Variants in KLF8 observed in about 807,000 individuals in gnomAD.
KLF8 encodes the protein Krueppel-like factor 8.
KLF8 carries 10 observed loss-of-function variants against 18.2 expected under a neutral mutation model. The observed-to-expected ratio is 0.55, with a 90% confidence interval of 0.34 to 0.93. The LOEUF (loss-of-function observed/expected upper bound fraction) is 0.93, where lower values mean the gene tolerates loss of function less well. Among genes scored for constraint, KLF8 ranks in the 40% least tolerant of loss-of-function variants. The pLI, the probability that KLF8 is intolerant of heterozygous loss-of-function variation, is 0.02. For missense variants in KLF8, 264 were observed against 277.9 expected (o/e 0.95, Z 0.36); for synonymous variants, 109 against 97.3 (o/e 1.12, Z -0.71).
the KLF8 span, among the ~76,000 whole-genome samples, chrX:56,054,841 T>A: frequency 8.9e-6 from 1 of 111,889 alleles, no homozygotes; most frequent in Non-Finnish European, 1.9e-5. Flanking sequence ...ACATAATGCT[T>A]TTCTTTGTCT....
the KLF8 span, among the ~76,000 whole-genome samples, chrX:55,967,476 GA>G: frequency 2.4e-3 from 234 of 98,592 alleles, 1 homozygote; most frequent in Middle Eastern, 5.2e-3. Context: ...AGTGCTACAG[GA>G]AAAAAAAAAA....
At chrX:56,109,680 G>A in the KLF8 span, among the ~76,000 whole-genome samples, 1 of 111,694 alleles carries the variant, frequency 9.0e-6, no homozygotes, top group East Asian at 2.8e-4. Flanking sequence ...GTGCATGCAT[G>A]TTTATAATTA....
chrX:56,187,081 A>T, the KLF8 span, among the ~76,000 whole-genome samples: 1 of 111,879 alleles, frequency 8.9e-6, no homozygotes, highest in Admixed American at 9.5e-5. Flanking sequence ...TAATGAATCT[A>T]GGAGCTGGTT....
At chrX:55,959,984 G>A in the KLF8 span, among the ~76,000 whole-genome samples, 14 of 110,988 alleles carry the variant, frequency 1.3e-4, no homozygotes, top group East Asian at 8.5e-4. Flanking sequence ...AATCACAAAC[G>A]CAACTAGAAA....
intron 1 of KLF8, among the ~76,000 whole-genome samples, chrX:56,237,279 A>T (rs2066488159): frequency 1.8e-5 from 2 of 109,011 alleles, no homozygotes; most frequent in African/African-American, 6.7e-5. Flanking sequence ...ATATGTAAGT[A>T]CCACAACAAC....
At chrX:56,066,163 T>C in the KLF8 span, among the ~76,000 whole-genome samples, 1 of 111,685 alleles carries the variant, frequency 9.0e-6, no homozygotes, top group Non-Finnish European at 1.9e-5. Flanking sequence ...GTGGTTTCTG[T>C]GATATGCTGT....
the KLF8 span, among the ~76,000 whole-genome samples, chrX:56,183,184 C>A: frequency 8.9e-6 from 1 of 112,000 alleles, no homozygotes; most frequent in Non-Finnish European, 1.9e-5. Context: ...CGCCCCTAAC[C>A]CAGTCTTGCT....
chrX:55,981,570 A>G, the KLF8 span, among the ~76,000 whole-genome samples: 1 of 112,370 alleles, frequency 8.9e-6, no homozygotes, highest in African/African-American at 3.2e-5. Context: ...TTGCACAAGG[A>G]TTATCACCAA....
chrX:56,105,353 C>A, the KLF8 span, among the ~76,000 whole-genome samples: 2 of 111,215 alleles, frequency 1.8e-5, no homozygotes, highest in Admixed American at 1.9e-4. Flanking sequence ...AAGTCTAAGT[C>A]TCTTTGTAGG....
At chrX:56,189,321 A>G in the KLF8 span, among the ~76,000 whole-genome samples, 10 of 112,155 alleles carry the variant, frequency 8.9e-5, no homozygotes, top group Non-Finnish European at 1.5e-4. Flanking sequence ...CCACAGTGAG[A>G]TATTATCTCA....
chrX:55,963,634 A>G, the KLF8 span, among the ~76,000 whole-genome samples: 64 of 112,372 alleles, frequency 5.7e-4, no homozygotes, highest in African/African-American at 2.1e-3. Context: ...AAGTTCTTGG[A>G]CACATATGAA....
chrX:56,160,873 C>T, the KLF8 span, among the ~76,000 whole-genome samples: 42 of 111,353 alleles, frequency 3.8e-4, no homozygotes, highest in Non-Finnish European at 7.2e-4. Context: ...TTAATTGGAG[C>T]ATCTAGCCCA....
At chrX:55,940,033 G>A in the KLF8 span, among the ~76,000 whole-genome samples, 7 of 111,296 alleles carry the variant, frequency 6.3e-5, no homozygotes, top group South Asian at 1.5e-3. Flanking sequence ...TGATGAGGAC[G>A]GCATCATCCT....
chrX:56,154,599 C>A, the KLF8 span, among the ~76,000 whole-genome samples: 1 of 112,115 alleles, frequency 8.9e-6, no homozygotes, highest in Non-Finnish European at 1.9e-5. Context: ...ACAAAATTGA[C>A]AAATGGGATC....
chrX:56,035,924 T>C, the KLF8 span, among the ~76,000 whole-genome samples: 2 of 111,780 alleles, frequency 1.8e-5, no homozygotes, highest in Non-Finnish European at 3.8e-5. Context: ...ATGTAGATGG[T>C]ATTTTCACTT....
At chrX:55,952,270 C>T in the KLF8 span, among the ~76,000 whole-genome samples, 5 of 112,170 alleles carry the variant, frequency 4.5e-5, no homozygotes, top group African/African-American at 1.6e-4. Flanking sequence ...TAATAACAGA[C>T]TCCAATCACT....
At chrX:55,997,676 G>A in the KLF8 span, among the ~76,000 whole-genome samples, 1 of 111,405 alleles carries the variant, frequency 9.0e-6, no homozygotes, top group African/African-American at 3.3e-5. Context: ...GATGAGAGAA[G>A]CTCTTCTTGG....
the KLF8 span, among the ~76,000 whole-genome samples, chrX:56,088,040 A>T: frequency 9.0e-6 from 1 of 110,979 alleles, no homozygotes; most frequent in Admixed American, 9.6e-5. Flanking sequence ...TTCTCTGAAG[A>T]CTCTAATCCA....
chrX:55,921,094 C>T, the KLF8 span, among the ~76,000 whole-genome samples: 1 of 112,155 alleles, frequency 8.9e-6, no homozygotes, highest in South Asian at 3.7e-4. Context: ...AACAGACAAC[C>T]TACAGAACTG....
Sources: gnomAD v4.1 joint callset for allele counts (sites outside exome capture counted in the v4.1 genomes callset) on GRCh38, gnomAD v4.1.1 for gene constraint, MANE v1.5 for transcripts, NCBI Gene and HGNC (gene_info 2026-07-23, HGNC 2026-07-21) for gene names.